The following MACROD2 variants were observed in gnomAD, a reference collection of about 807,000 sequenced individuals.
MACROD2 encodes the protein ADP-ribose glycohydrolase MACROD2.
MACROD2 carries 36 observed loss-of-function variants against 70.4 expected under a neutral mutation model. The ratio of observed to expected loss-of-function variants is 0.51; its 90% CI spans 0.39 to 0.68. The LOEUF is 0.68. Among genes scored for constraint, MACROD2 ranks in the 30% least tolerant of loss-of-function variants. MACROD2 has a pLI of 0.00. For synonymous variants in MACROD2, 172 were observed against 178.8 expected (o/e 0.96, Z 0.30); for missense variants, 496 against 538.4 (o/e 0.92, Z 0.78).
chr20:15,379,501 G>T (rs1056990128), intron 6 of MACROD2, among the ~76,000 whole-genome samples: 6 of 151,758 alleles, frequency 4.0e-5, no homozygotes, highest in African/African-American at 7.3e-5. Context: ...ACCACAGGTG[G>T]TCCACAGCTG....
chr20:15,928,009 C>T (rs977948062), intron 10 of MACROD2, among the ~76,000 whole-genome samples: 1 of 152,142 alleles, frequency 6.6e-6, no homozygotes, highest in Non-Finnish European at 1.5e-5. Flanking sequence ...GCTGTATGAT[C>T]CTAGATTGCT....
At chr20:15,594,687 TTAATG>T (rs2048724126) in intron 8 of MACROD2, among the ~76,000 whole-genome samples, 2 of 152,236 alleles carry the variant, frequency 1.3e-5, no homozygotes, top group Non-Finnish European at 2.9e-5. Flanking sequence ...ACTCCTAACT[TTAATG>T]TAATCAAATT....
At chr20:15,621,296 A>G (rs1402790512) in intron 8 of MACROD2, among the ~76,000 whole-genome samples, 1 of 152,182 alleles carries the variant, frequency 6.6e-6, no homozygotes, top group African/African-American at 2.4e-5. Context: ...AGCATTGCAT[A>G]TTGGCCTCAA....
At chr20:15,851,712 G>A (rs2064300851) in intron 8 of MACROD2, among the ~76,000 whole-genome samples, 1 of 152,174 alleles carries the variant, frequency 6.6e-6, no homozygotes, top group African/African-American at 2.4e-5. Context: ...ATCAAATTGA[G>A]GGAAGGGGGT....
Position 15,816,030 on chromosome 20 carries a change from G to A in MACROD2, c.646-46715G>A, listed in dbSNP as rs181789672. Among the ~76,000 whole-genome samples the A allele has an allele frequency of 3.6e-3, 547 of 152,098 alleles. 6 individuals are homozygous for A. Among genetic ancestry groups the A allele is most frequent in the African/African-American group, 0.012 (517 of 41,480 alleles). ...CATCTCTCCGTCTCCCTCTGCGTGTGTGTGTTTGTGTGTGTGTATCTCTTT... is the reference window on the plus strand; with the variant it reads ...CATCTCTCCGTCTCCCTCTGCGTGTATGTGTTTGTGTGTGTGTATCTCTTT... On this transcript the variant is annotated intron_variant, in intron 8 of 17. Transcript: ENST00000684519.
At chr20:15,535,245 G>A (rs2047858472) in intron 8 of MACROD2, among the ~76,000 whole-genome samples, 1 of 152,020 alleles carries the variant, frequency 6.6e-6, no homozygotes, top group South Asian at 2.1e-4. Flanking sequence ...CAAATTGCTG[G>A]GATTACAGGC....
intron 5 of MACROD2, among the ~76,000 whole-genome samples, chr20:15,061,765 T>C (rs893659879): frequency 6.6e-6 from 1 of 152,170 alleles, no homozygotes; most frequent in African/African-American, 2.4e-5. Context: ...TGATAAAGTG[T>C]ACTATGATAC....
intron 5 of MACROD2, among the ~76,000 whole-genome samples, chr20:14,862,118 A>AAATATATATTTATACATAAATATATAAAT (rs2073338086): frequency 1.1e-4 from 1 of 8,720 alleles, no homozygotes; most frequent in African/African-American, 2.8e-4. Flanking sequence ...TAAATATATA[A>AAATATATATTTATACATAAATATATAAAT]ATATATAATA....
chr20:15,862,859 T>C (rs771617928), intron 9 of MACROD2, 33 bp downstream of exon 9: 3 of 1,515,368 alleles, frequency 2.0e-6, no homozygotes, highest in Admixed American at 1.8e-5. Flanking sequence ...TTCTTTCAAA[T>C]TGAGGATGGA....
chr20:14,715,189 G>A (rs551077101), intron 5 of MACROD2, among the ~76,000 whole-genome samples: 5 of 152,218 alleles, frequency 3.3e-5, no homozygotes, highest in East Asian at 3.9e-4. Flanking sequence ...AGAGCTGAGC[G>A]AAGGGGGAAG....
rs558739031 is a variant in MACROD2 at position 14,843,057 on chromosome 20, C to T, written c.418+158098C>T. On this transcript the variant is annotated intron_variant, in intron 5 of 17. Coordinates refer to ENST00000684519, the MANE Select transcript of MACROD2 (RefSeq NM_001351661.2). ...ACCCTGGCTGTCAATGTGGCTGTCT[C>T]TCCAGCTTCTGGTCTGCTAGCTCCC... 3.9e-5 allele frequency among the ~76,000 whole-genome samples: 6 copies of T among 152,164 alleles called. No homozygotes were observed. In the East Asian group the frequency reaches 1.2e-3, roughly 29 times the overall value.
chr20:15,296,207 G>A (rs2077586983), intron 6 of MACROD2, among the ~76,000 whole-genome samples: 1 of 152,130 alleles, frequency 6.6e-6, no homozygotes, highest in Non-Finnish European at 1.5e-5. Flanking sequence ...AGAGGAACAT[G>A]TTAAATTATA....
intron 3 of MACROD2, among the ~76,000 whole-genome samples, chr20:14,398,031 A>G (rs188761472): frequency 1.3e-5 from 2 of 152,094 alleles, no homozygotes; most frequent in Non-Finnish European, 2.9e-5. Flanking sequence ...AATGGCCTTC[A>G]GGTTCATCCA....
chr20:15,105,876 C>T (rs928826627), intron 5 of MACROD2, among the ~76,000 whole-genome samples: 5 of 152,126 alleles, frequency 3.3e-5, no homozygotes, highest in Non-Finnish European at 4.4e-5. Flanking sequence ...GTTCATGCGA[C>T]GACAATTGAA....
At position 13,995,778 on chromosome 20, in the gene MACROD2, C is replaced by G; in HGVS notation, c.15C>G (p.Asn5Lys). 6.7e-7 allele frequency: 1 copy of G among 1,498,102 alleles called. No homozygotes were observed. The highest frequency in any genetic ancestry group is 9.0e-7 in the Non-Finnish European group (1 of 1,107,648). 92.8% of individuals were successfully genotyped at this position (1,498,102 alleles called of 1,614,324 possible). Residue 5 changes from asparagine (N) to lysine (K), a missense_variant, in exon 1 of 18, where the codon AAC (asparagine) becomes AAG (lysine). Transcript: ENST00000684519. This position sits in a 1 kb window ranked among gnomAD's most constrained non-coding sequence, Gnocchi z 4.3. ...CCCACGGCAACATGTACCCCAGCAA[C>G]AAGAAGAAAAAGGTGTGGAGAGAGG... is the stretch of plus-strand genomic sequence containing the variant. MYPS[N>K]KKKKVWREEK...
chr20:15,691,667 A>G (rs146867262), intron 8 of MACROD2, among the ~76,000 whole-genome samples: 6 of 152,226 alleles, frequency 3.9e-5, no homozygotes, highest in Non-Finnish European at 8.8e-5. Context: ...GGCGCTCACT[A>G]GGGAGCCACA....
At chr20:14,842,478 T>C (rs1161556417) in intron 5 of MACROD2, among the ~76,000 whole-genome samples, 1 of 152,124 alleles carries the variant, frequency 6.6e-6, no homozygotes, top group African/African-American at 2.4e-5. Context: ...TATTAAAAAT[T>C]ATTTATAGTG....
At chr20:14,793,740 A>G (rs1293337287) in intron 5 of MACROD2, among the ~76,000 whole-genome samples, 1 of 152,036 alleles carries the variant, frequency 6.6e-6, no homozygotes, top group Non-Finnish European at 1.5e-5. Flanking sequence ...TGGGGCTGAT[A>G]ACTCACAGGC....
chr20:15,261,248 G>A (rs2146045268), intron 6 of MACROD2, among the ~76,000 whole-genome samples: 1 of 151,936 alleles, frequency 6.6e-6, no homozygotes, highest in South Asian at 2.1e-4. Flanking sequence ...GGCCAGTTTG[G>A]TGCCCACGTC....
Sources: gnomAD v4.1 joint callset for allele counts (sites outside exome capture counted in the v4.1 genomes callset) on GRCh38, gnomAD v4.1.1 for gene constraint, Gnocchi (gnomAD v3.1) non-coding constraint, MANE v1.5 for transcripts, NCBI Gene and HGNC (gene_info 2026-07-23, HGNC 2026-07-21) for gene names.